The following CFAP44 variants were observed in gnomAD, a reference collection of about 807,000 sequenced individuals.
CFAP44 encodes the protein cilia- and flagella-associated protein 44.
CFAP44 carries 134 observed loss-of-function variants against 216.2 expected under a neutral mutation model. The observed-to-expected ratio is 0.62, with a 90% CI of 0.54 to 0.72. CFAP44 has a LOEUF of 0.72. Among genes scored for constraint, CFAP44 ranks in the 30% least tolerant of loss-of-function variants. The pLI is 0.00. For synonymous variants in CFAP44, 700 were observed against 727.6 expected (o/e 0.96, Z 0.61); for missense variants, 2,035 against 2,182.1 (o/e 0.93, Z 1.34).
intron 1 of CFAP44, chr3:113,433,945 T>G: frequency 3.6e-6 from 1 of 275,982 alleles, no homozygotes; most frequent in Non-Finnish European, 6.8e-6. Flanking sequence ...CCAAAGTTCA[T>G]CTTTTCCCCA....
intron 20 of CFAP44, 68 bp from the exon 21 acceptor site, chr3:113,363,375 A>AT: frequency 1.3e-6 from 2 of 1,565,902 alleles, no homozygotes; most frequent in South Asian, 2.4e-5. Context: ...GAAAATTAGT[A>AT]TTCAATAATT....
intron 22 of CFAP44, among the ~76,000 whole-genome samples, chr3:113,348,818 T>A (rs995548452): frequency 4.6e-5 from 7 of 152,222 alleles, no homozygotes; most frequent in Non-Finnish European, 8.8e-5. Flanking sequence ...ATGATCCCGA[T>A]AGGTACACAG....
chr3:113,308,007 TA>T (rs150272289), intron 29 of CFAP44, 150 bp downstream of exon 29: 14 of 574,644 alleles, frequency 2.4e-5, no homozygotes, highest in East Asian at 6.0e-5. Context: ...TCCTTACACT[TA>T]AAAAAAGGTA....
intron 28 of CFAP44, among the ~76,000 whole-genome samples, chr3:113,323,869 C>T (rs895418900): frequency 6.6e-6 from 1 of 151,944 alleles, no homozygotes; most frequent in Non-Finnish European, 1.5e-5. Flanking sequence ...TGGTGAAATC[C>T]CGTCTCTACT....
At chr3:113,435,173 C>T (rs1406426759) in intron 1 of CFAP44, among the ~76,000 whole-genome samples, 1 of 151,778 alleles carries the variant, frequency 6.6e-6, no homozygotes, top group Non-Finnish European at 1.5e-5. Flanking sequence ...ACATGAGAAA[C>T]ATAGTAAGAC....
At chr3:113,354,561 A>G (rs537739703) in intron 22 of CFAP44, among the ~76,000 whole-genome samples, 2 of 152,250 alleles carry the variant, frequency 1.3e-5, no homozygotes, top group Admixed American at 1.3e-4. Flanking sequence ...AGAGGCAGCC[A>G]TAATCCCCCT....
At chr3:113,347,049 G>A (rs1011808473) in intron 22 of CFAP44, among the ~76,000 whole-genome samples, 1 of 152,170 alleles carries the variant, frequency 6.6e-6, no homozygotes, top group Non-Finnish European at 1.5e-5. Flanking sequence ...TCGCCATGCA[G>A]TGAGTACCAT....
At chr3:113,395,918 A>G in intron 14 of CFAP44, 58 bp from the exon 15 acceptor site, 3 of 1,299,662 alleles carry the variant, frequency 2.3e-6, no homozygotes, top group African/African-American at 1.5e-5. Context: ...TAGCCTATAG[A>G]TCACAAAAAA....
intron 32 of CFAP44, among the ~76,000 whole-genome samples, chr3:113,302,633 C>T (rs899385098): frequency 2.0e-5 from 3 of 150,442 alleles, no homozygotes; most frequent in African/African-American, 4.9e-5. Context: ...TGGTGGCAGG[C>T]GCCTGTAATC....
At chr3:113,375,523 T>C (rs1933316358) in intron 17 of CFAP44, among the ~76,000 whole-genome samples, 1 of 152,130 alleles carries the variant, frequency 6.6e-6, no homozygotes, top group Admixed American at 6.5e-5. Context: ...CACATAAAGT[T>C]GGGGTCCCAG....
At chr3:113,400,459 G>T in intron 12 of CFAP44, 86 bp downstream of exon 12, 1 of 1,184,376 alleles carries the variant, frequency 8.4e-7, no homozygotes, top group Non-Finnish European at 1.1e-6. Flanking sequence ...ATCCCCAAAT[G>T]CTCTTAAGTC....
intron 28 of CFAP44, among the ~76,000 whole-genome samples, chr3:113,321,657 T>C (rs1950147334): frequency 1.3e-5 from 2 of 152,214 alleles, no homozygotes; most frequent in African/African-American, 4.8e-5. Flanking sequence ...TGGTAAATAT[T>C]TTTAGCAAGG....
rs149281764 is a variant in CFAP44 at position 113,296,655 on chromosome 3, C to T, written c.5238+70G>A. On this transcript the variant is annotated intron_variant, in intron 33 of 34. Coordinates refer to ENST00000393845, the MANE Select transcript of CFAP44 (RefSeq NM_001164496.2). ...CTACACAGATGCTTCATGGGTACCA[C>T]TTCCTGCTCCCTGGGATTTCTTGCC... 8,314 of 1,502,788 alleles carry T rather than the reference C, an allele frequency of 5.5e-3. 27 individuals carry two copies. The highest frequency in any genetic ancestry group is 6.6e-3 in the Non-Finnish European group (7,472 of 1,123,824). The allele number at this position is 1,502,788 out of a possible 1,614,324, so 93.1% of individuals were successfully genotyped here.
chr3:113,419,940 A>T (rs1934765478), intron 5 of CFAP44, 77 bp downstream of exon 5: 1 of 1,484,150 alleles, frequency 6.7e-7, no homozygotes, highest in Admixed American at 1.9e-5. Flanking sequence ...GCATCTAACA[A>T]CCATGTTGGC....
chr3:113,330,593 T>G lies in CFAP44; in HGVS notation c.3691A>C (p.Ile1231Leu). 6.5e-7 allele frequency: 1 copy of G among 1,537,244 alleles called. No individual in the cohort carries two copies. Among genetic ancestry groups the G allele is most frequent in the Non-Finnish European group, 8.7e-7 (1 of 1,146,874 alleles). Residue 1231 changes from isoleucine to leucine, a missense_variant, in exon 26 of 35, where the codon ATA becomes CTA. Transcript: ENST00000393845. ...RDLKVAVVEE[I>L]QCLVQELKNI... ...TTCAGTTCTTGTACCAGGCACTGTA[T>G]TTCCTCAACAACAGCCACTTTAAGG...
chr3:113,391,349 A>G (rs1056941775), intron 15 of CFAP44, among the ~76,000 whole-genome samples: 2 of 152,182 alleles, frequency 1.3e-5, no homozygotes, highest in Non-Finnish European at 2.9e-5. Flanking sequence ...ATCAAAATGG[A>G]TTAAAGACTT....
At chr3:113,333,955 C>CTT (rs577928589) in intron 24 of CFAP44, among the ~76,000 whole-genome samples, 11 of 141,172 alleles carry the variant, frequency 7.8e-5, no homozygotes, top group Non-Finnish European at 1.1e-4. Flanking sequence ...GTCAATTAAA[C>CTT]TTTTTTTTTT....
At chr3:113,393,786 A>G (rs560057268) in intron 15 of CFAP44, among the ~76,000 whole-genome samples, 1 of 152,236 alleles carries the variant, frequency 6.6e-6, no homozygotes, top group African/African-American at 2.4e-5. Context: ...AAGTGCTGGG[A>G]TTACAGGCGT....
At chr3:113,372,310 CAA>C (rs1933194095) in intron 18 of CFAP44, among the ~76,000 whole-genome samples, 2 of 152,116 alleles carry the variant, frequency 1.3e-5, no homozygotes, top group Non-Finnish European at 2.9e-5. Context: ...TTCACAATAG[CAA>C]AGACTTGGAA....
Sources: gnomAD v4.1 joint callset for allele counts (sites outside exome capture counted in the v4.1 genomes callset) on GRCh38, gnomAD v4.1.1 for gene constraint, MANE v1.5 for transcripts, NCBI Gene and HGNC (gene_info 2026-07-23, HGNC 2026-07-21) for gene names.